Variants in CFAP61 observed in about 807,000 individuals in gnomAD.
CFAP61 encodes the protein cilia- and flagella-associated protein 61.
Under a neutral mutation model 135.6 loss-of-function variants are expected in CFAP61, and 107 were observed. The observed-to-expected ratio is 0.79, with a 90% CI of 0.67 to 0.93. CFAP61 has a LOEUF of 0.93. Among genes scored for constraint, CFAP61 ranks in the 40% least tolerant of loss-of-function variants. CFAP61 has a pLI of 0.00. For synonymous variants in CFAP61, 575 were observed against 578.5 expected, an observed-to-expected ratio of 0.99 and a Z score of 0.09; for missense variants, 1,507 against 1,556.2, an observed-to-expected ratio of 0.97 and a Z score of 0.53.
chr20:20,075,553 C>T lies in CFAP61; in HGVS notation c.504C>T (p.Asp168=). The change falls in exon 6 of 27, where the codon GAC becomes GAT. Residue 168 remains aspartate (D), a synonymous_variant. Coordinates refer to ENST00000245957, the MANE Select transcript of CFAP61 (RefSeq NM_015585.4). ...GNIPCLTYEE[D]FAVHICHRHS... Reference sequence around the variant, plus strand: ...TCCCGTGTCTGACGTATGAGGAAGACTTTGCAGTGCATATATGTCACAGGC... The same window carrying T: ...TCCCGTGTCTGACGTATGAGGAAGATTTTGCAGTGCATATATGTCACAGGC... 1 of 1,614,138 alleles carries T rather than the reference C, an allele frequency of 6.2e-7. No homozygotes were observed. Among genetic ancestry groups the T allele is most frequent in the South Asian group, 1.1e-5 (1 of 91,084 alleles).
intron 18 of CFAP61, among the ~76,000 whole-genome samples, chr20:20,233,796 A>T (rs2049355291): frequency 6.6e-6 from 1 of 152,204 alleles, no homozygotes; most frequent in African/African-American, 2.4e-5. Flanking sequence ...AGTATAACTT[A>T]TCTCCTCATA....
intron 2 of CFAP61, among the ~76,000 whole-genome samples, chr20:20,064,846 T>C (rs2045119110): frequency 6.6e-6 from 1 of 152,160 alleles, no homozygotes; most frequent in Admixed American, 6.5e-5. Flanking sequence ...TCAAGCTTAA[T>C]GAGTCTAAAT....
chr20:20,110,230 C>T (rs1023468494), intron 8 of CFAP61, among the ~76,000 whole-genome samples: 10 of 151,908 alleles, frequency 6.6e-5, no homozygotes, highest in African/African-American at 1.9e-4. Flanking sequence ...TAGGTCCAAG[C>T]GGGTGGGGGC....
chr20:20,193,108 A>G (rs2056041952), intron 15 of CFAP61, among the ~76,000 whole-genome samples: 1 of 152,078 alleles, frequency 6.6e-6, no homozygotes, highest in Non-Finnish European at 1.5e-5. Context: ...GGATAAGAGA[A>G]CCTGCTACAC....
At chr20:20,282,412 A>G (rs1363224080) in intron 22 of CFAP61, among the ~76,000 whole-genome samples, 1 of 152,120 alleles carries the variant, frequency 6.6e-6, no homozygotes, top group Non-Finnish European at 1.5e-5. Context: ...GTTGATTTAT[A>G]TAAGCATTTC....
In CFAP61 at chr20:20,090,921, T is replaced by G; in HGVS notation, c.644T>G (p.Phe215Cys). Residue 215 changes from phenylalanine to cysteine, a missense_variant, in exon 7 of 27, where the codon TTC becomes TGC. By Grantham distance (205) the Phe-to-Cys change is radical. Coordinates refer to ENST00000245957, the MANE Select transcript of CFAP61 (RefSeq NM_015585.4). ...CTGAAGGAAACTTACGGTGAATACT[T>G]CCTGGCCGAACTAATAGAGGCCCAA... ...TILKETYGEY[F>C]LAELIEAQDE... 1 of 1,614,162 alleles carries G rather than the reference T, an allele frequency of 6.2e-7. No homozygotes were observed. The highest frequency in any genetic ancestry group is 8.5e-7 in the Non-Finnish European group (1 of 1,180,018).
intron 1 of CFAP61, among the ~76,000 whole-genome samples, chr20:20,054,185 C>A (rs2044078436): frequency 6.6e-6 from 1 of 151,878 alleles, no homozygotes; most frequent in African/African-American, 2.4e-5. Context: ...CTAGTTCTTT[C>A]TACAAGATTC....
intron 11 of CFAP61, among the ~76,000 whole-genome samples, chr20:20,165,224 GCCCAGCTTTT>G (rs1471716262): frequency 1.3e-5 from 2 of 152,104 alleles, no homozygotes; most frequent in African/African-American, 4.8e-5. Context: ...GCCGGGATGG[GCCCAGCTTTT>G]TCCAGCCAAA....
intron 19 of CFAP61, among the ~76,000 whole-genome samples, chr20:20,250,449 T>C (rs1402165307): frequency 2.0e-5 from 3 of 152,096 alleles, no homozygotes; most frequent in African/African-American, 7.2e-5. Context: ...GGGTTCTTTT[T>C]GAAGAGGACT....
chr20:20,123,789 G>C (rs1162315634), intron 8 of CFAP61, among the ~76,000 whole-genome samples: 1 of 151,468 alleles, frequency 6.6e-6, no homozygotes, highest in Admixed American at 6.6e-5. Context: ...TATTTTGATG[G>C]GGATTGCATT....
chr20:20,194,303 T>C (rs1452068024), intron 15 of CFAP61, among the ~76,000 whole-genome samples: 2 of 152,220 alleles, frequency 1.3e-5, no homozygotes, highest in African/African-American at 2.4e-5. Flanking sequence ...AATTCTTCAG[T>C]TGTGTTTATT....
intron 8 of CFAP61, among the ~76,000 whole-genome samples, chr20:20,137,756 C>T (rs992941476): frequency 1.3e-5 from 2 of 152,186 alleles, no homozygotes; most frequent in Non-Finnish European, 2.9e-5. Flanking sequence ...TGTGGCCAAG[C>T]TGACACCTAA....
intron 25 of CFAP61, among the ~76,000 whole-genome samples, chr20:20,300,806 A>G (rs761913651): frequency 6.6e-6 from 1 of 152,002 alleles, no homozygotes; most frequent in African/African-American, 2.4e-5. Context: ...GGGTTTCACC[A>G]TGTTGGCCAG....
chr20:20,245,614 G>A (rs1321178019), intron 18 of CFAP61, among the ~76,000 whole-genome samples: 2 of 152,100 alleles, frequency 1.3e-5, no homozygotes, highest in African/African-American at 2.4e-5. Flanking sequence ...TATATCAATG[G>A]TCTTCGCAAA....
chr20:20,260,247 G>A (rs2052050111), intron 20 of CFAP61, among the ~76,000 whole-genome samples: 2 of 152,192 alleles, frequency 1.3e-5, no homozygotes, highest in Non-Finnish European at 2.9e-5. Flanking sequence ...GGATAGCTCT[G>A]TGTCCCCATA....
chr20:20,293,493 A>G (rs2055158509), intron 24 of CFAP61, among the ~76,000 whole-genome samples: 1 of 152,198 alleles, frequency 6.6e-6, no homozygotes, highest in Non-Finnish European at 1.5e-5. Flanking sequence ...AATTAATTTG[A>G]TTAAGTGAAA....
chr20:20,219,965 A>G (rs925643609), intron 17 of CFAP61, among the ~76,000 whole-genome samples: 1 of 152,182 alleles, frequency 6.6e-6, no homozygotes, highest in Non-Finnish European at 1.5e-5. Context: ...AATAAAGGTG[A>G]GAGGAGCATC....
intron 17 of CFAP61, among the ~76,000 whole-genome samples, chr20:20,216,665 A>G (rs2048059459): frequency 6.6e-6 from 1 of 152,214 alleles, no homozygotes; most frequent in Non-Finnish European, 1.5e-5. Context: ...ACTACTTCAG[A>G]TATTTTGAAT....
chr20:20,273,717 T>C (rs1258893043), intron 21 of CFAP61, among the ~76,000 whole-genome samples: 2 of 152,210 alleles, frequency 1.3e-5, no homozygotes, highest in Admixed American at 6.5e-5. Flanking sequence ...ACATGGACCT[T>C]ACAGTCCAAA....
Sources: gnomAD v4.1 joint callset for allele counts (sites outside exome capture counted in the v4.1 genomes callset) on GRCh38, gnomAD v4.1.1 for gene constraint, MANE v1.5 for transcripts, NCBI Gene and HGNC (gene_info 2026-07-23, HGNC 2026-07-21) for gene names.